Variants in EPN2 observed in about 807,000 individuals in gnomAD.
EPN2 encodes epsin 2.
In EPN2, 34 loss-of-function variants were observed where a neutral mutation model predicts 61.7. That is an observed-to-expected ratio of 0.55 (90% CI 0.42 to 0.73). The LOEUF (loss-of-function observed/expected upper bound fraction) is 0.73. Among genes scored for constraint, EPN2 ranks in the 30% least tolerant of loss-of-function variants. The pLI, the probability that EPN2 is intolerant of heterozygous loss-of-function variation, is 0.00. For missense variants in EPN2, 714 were observed against 839.2 expected, an observed-to-expected ratio of 0.85 and a Z score of 1.84; for synonymous variants, 349 against 353.6, an observed-to-expected ratio of 0.99 and a Z score of 0.15.
chr17:19,324,560 C>T (rs528553891), intron 7 of EPN2, among the ~76,000 whole-genome samples: 6 of 152,202 alleles, frequency 3.9e-5, no homozygotes, highest in African/African-American at 1.4e-4. Context: ...CTCAAGCTCC[C>T]GACCTCAGGT....
chr17:19,332,051 A>C lies in EPN2; in HGVS notation c.1610A>C (p.Asn537Thr). The C allele has an allele frequency of 6.2e-7, 1 of 1,609,894 alleles. No individual in the cohort carries two copies. Among genetic ancestry groups the C allele is most frequent in the Non-Finnish European group, 8.5e-7 (1 of 1,179,308 alleles). The change falls in exon 10 of 11, where the codon AAC (asparagine) becomes ACC (threonine). Residue 537 changes from asparagine to threonine, a missense_variant. By Grantham distance (65) the Asn-to-Thr change is moderately conservative. Transcript: ENST00000314728. ...CCTGCCCCACCAGCCCAGTCCCTCA[A>C]CCCTTTCCTGGCACCAGGTAGGCTC... Reference protein sequence around the residue: ...TRPAPPAQSLNPFLAPGAPAT... With the variant: ...TRPAPPAQSLTPFLAPGAPAT...
chr17:19,326,257 T>A (rs1477859262), intron 7 of EPN2, among the ~76,000 whole-genome samples: 3 of 152,208 alleles, frequency 2.0e-5, no homozygotes, highest in Non-Finnish European at 2.9e-5. Context: ...GTTTCTTCAC[T>A]TTTGTTTTTT....
intron 1 of EPN2, among the ~76,000 whole-genome samples, chr17:19,264,585 G>A (rs2045176471): frequency 6.6e-6 from 1 of 152,214 alleles, no homozygotes; most frequent in Non-Finnish European, 1.5e-5. Flanking sequence ...GCTGGGTAGA[G>A]CAGTGATCTT....
At chr17:19,301,149 C>T (rs1905491854) in intron 4 of EPN2, among the ~76,000 whole-genome samples, 1 of 152,116 alleles carries the variant, frequency 6.6e-6, no homozygotes, top group African/African-American at 2.4e-5. Flanking sequence ...ACTTGGCTAG[C>T]TGCTGTGTCA....
rs1235139983 is a variant in EPN2 at position 19,285,340 on chromosome 17, CCCT to C, written c.596-272_596-270del. Among the ~76,000 whole-genome samples, 3 of 152,228 alleles carry C rather than the reference CCCT, an allele frequency of 2.0e-5. No individual in the cohort carries two copies. Among genetic ancestry groups the C allele is most frequent in the Admixed American group, 6.5e-5 (1 of 15,292 alleles). On this transcript the variant is annotated intron_variant, in intron 3 of 10. Transcript: ENST00000314728. The surrounding 1 kb of genome is among the most constrained non-coding windows in gnomAD (Gnocchi z 4.5). The stretch of plus-strand genomic sequence containing the variant: ...GATGCAGGAGCCTGGTTTGATCCAC[CCCT>C]CCTCCTCATACCGAGTCCAGGGCCT...
At chr17:19,259,604 G>A (rs548134136) in intron 1 of EPN2, among the ~76,000 whole-genome samples, 3 of 152,162 alleles carry the variant, frequency 2.0e-5, no homozygotes, top group African/African-American at 2.4e-5. Context: ...GAGCCACAGC[G>A]CCCGGCTGAG....
chr17:19,261,203 TTG>T (rs1380061072), intron 1 of EPN2, among the ~76,000 whole-genome samples: 1 of 152,230 alleles, frequency 6.6e-6, no homozygotes, highest in Non-Finnish European at 1.5e-5. Context: ...TTGTTCCATG[TTG>T]CACTCCCACT....
chr17:19,317,081 A>G (rs1402454070), intron 7 of EPN2, among the ~76,000 whole-genome samples: 3 of 152,248 alleles, frequency 2.0e-5, no homozygotes, highest in Admixed American at 1.3e-4. Flanking sequence ...TCATTCATAA[A>G]TTAGAAAGAT....
At chr17:19,293,195 A>G (rs1487533335) in intron 4 of EPN2, among the ~76,000 whole-genome samples, 1 of 151,982 alleles carries the variant, frequency 6.6e-6, no homozygotes, top group African/African-American at 2.4e-5. Context: ...CTTGGCCAAT[A>G]TGGTGAAACC....
intron 1 of EPN2, among the ~76,000 whole-genome samples, chr17:19,271,138 G>C (rs540666075): frequency 2.6e-5 from 4 of 152,278 alleles, no homozygotes; most frequent in African/African-American, 7.2e-5. Context: ...CAGTGGCAAA[G>C]AGGCTGGGCC....
intron 1 of EPN2, chr17:19,273,962 A>G (rs1339096579): frequency 6.6e-6 from 1 of 152,142 alleles, no homozygotes; most frequent in East Asian, 1.9e-4. Flanking sequence ...TCTTCTGGAG[A>G]GCCCGTGTGG....
chr17:19,243,763 T>A (rs8065870), intron 1 of EPN2, among the ~76,000 whole-genome samples: 10,561 of 152,148 alleles, frequency 0.069, 1,259 homozygotes, highest in African/African-American at 0.24. Context: ...GGTCTCAAAC[T>A]CCTGACCTCA....
chr17:19,299,235 T>G (rs560558431), intron 4 of EPN2, among the ~76,000 whole-genome samples: 2 of 152,396 alleles, frequency 1.3e-5, no homozygotes, highest in African/African-American at 4.8e-5. Flanking sequence ...TTATAAGTAT[T>G]ACTCTAAGAA....
chr17:19,265,774 C>G (rs548011927), intron 1 of EPN2, among the ~76,000 whole-genome samples: 1 of 152,226 alleles, frequency 6.6e-6, no homozygotes, highest in Non-Finnish European at 1.5e-5. Context: ...CCAGGCCTGT[C>G]CTGCCAGCAC....
intron 3 of EPN2, among the ~76,000 whole-genome samples, chr17:19,284,249 C>G (rs1416281847): frequency 6.6e-6 from 1 of 152,244 alleles, no homozygotes; most frequent in African/African-American, 2.4e-5. Flanking sequence ...GCCAAACATG[C>G]AAATGAGAGT....
At chr17:19,250,018 T>C (rs1017537081) in intron 1 of EPN2, among the ~76,000 whole-genome samples, 1 of 152,176 alleles carries the variant, frequency 6.6e-6, no homozygotes, top group African/African-American at 2.4e-5. Context: ...CTTCCACTTT[T>C]AAGGATCCTT....
chr17:19,278,886 A>G (rs2045334123), intron 1 of EPN2, among the ~76,000 whole-genome samples: 1 of 152,102 alleles, frequency 6.6e-6, no homozygotes, highest in Non-Finnish European at 1.5e-5. Flanking sequence ...ATCCTCCCAC[A>G]TCGGCCTCCC....
chr17:19,247,097 C>A (rs2044961560), intron 1 of EPN2, among the ~76,000 whole-genome samples: 1 of 152,158 alleles, frequency 6.6e-6, no homozygotes, highest in Non-Finnish European at 1.5e-5. Context: ...ATACTCAGAG[C>A]TGTCCTGGGA....
At chr17:19,278,071 CAA>C (rs141413016) in intron 1 of EPN2, among the ~76,000 whole-genome samples, 7 of 134,600 alleles carry the variant, frequency 5.2e-5, no homozygotes, top group Admixed American at 7.5e-5. Context: ...GACTATGTCT[CAA>C]AAAAAAAAAA....
Sources: gnomAD v4.1 joint callset for allele counts (sites outside exome capture counted in the v4.1 genomes callset) on GRCh38, gnomAD v4.1.1 for gene constraint, Gnocchi (gnomAD v3.1) non-coding constraint, MANE v1.5 for transcripts, NCBI Gene and HGNC (gene_info 2026-07-23, HGNC 2026-07-21) for gene names.